Variants in PRKCE observed in about 807,000 individuals in gnomAD.
PRKCE encodes the protein protein kinase C epsilon type.
Under a neutral mutation model 85.4 loss-of-function variants are expected in PRKCE, and 16 were observed. That is an observed-to-expected ratio of 0.19 (90% confidence interval 0.13 to 0.28). The LOEUF (loss-of-function observed/expected upper bound fraction) is 0.28, where lower values mean the gene tolerates loss of function less well. PRKCE is among the 10% of genes least tolerant of loss of function. PRKCE has a pLI of 1.00. For missense variants in PRKCE, 573 were observed against 975.2 expected (o/e 0.59, Z 5.49); for synonymous variants, 388 against 371.5 (o/e 1.04, Z -0.51).
chr2:45,870,269 G>A (rs942220389), intron 2 of PRKCE, among the ~76,000 whole-genome samples: 5 of 152,164 alleles, frequency 3.3e-5, no homozygotes, highest in Non-Finnish European at 7.4e-5. Flanking sequence ...GACACAGAGT[G>A]CAATTCATGG....
chr2:46,179,714 G>A (rs537737344), intron 14 of PRKCE, among the ~76,000 whole-genome samples: 40 of 152,244 alleles, frequency 2.6e-4, no homozygotes, highest in African/African-American at 8.7e-4. Context: ...AAACTCTAGT[G>A]CCCCAAGTCC....
intron 10 of PRKCE, among the ~76,000 whole-genome samples, chr2:46,023,233 G>A (rs536339009): frequency 6.6e-6 from 1 of 152,274 alleles, no homozygotes; most frequent in Non-Finnish European, 1.5e-5. Context: ...GACTACCTGA[G>A]TCTACCATTG....
In PRKCE at chr2:46,001,618, G is replaced by GCACC; in HGVS notation, c.966+73_966+74insACCC. Reference sequence around the variant, plus strand: ...ATTTCTGTGCTGACTTCCAGAGGGTGCTCTGGAGTGAGGTAATAAGATTCC... The same window carrying GCACC: ...ATTTCTGTGCTGACTTCCAGAGGGTGCACCCTCTGGAGTGAGGTAATAAGATTCC... On this transcript the variant is annotated intron_variant, in intron 7 of 14. Coordinates refer to ENST00000306156, the MANE Select transcript of PRKCE (RefSeq NM_005400.3). The surrounding 1 kb of genome is among the most constrained non-coding windows in gnomAD (Gnocchi z 4.4). 2.7e-6 allele frequency: 4 copies of GCACC among 1,482,142 alleles called. No individual in the cohort carries two copies. Among genetic ancestry groups the GCACC allele is most frequent in the Non-Finnish European group, 3.6e-6 (4 of 1,104,692 alleles). The allele number at this position is 1,482,142 out of a possible 1,614,324, so 91.8% of individuals were successfully genotyped here. A position where few individuals can be genotyped will look rare whatever the true frequency, so the allele number is the denominator to read the frequency against.
At chr2:45,833,138 CAAA>C (rs35838849) in intron 1 of PRKCE, among the ~76,000 whole-genome samples, 23 of 120,180 alleles carry the variant, frequency 1.9e-4, no homozygotes, top group Non-Finnish European at 2.6e-4. Context: ...GGCAACATGG[CAAA>C]AAAAAAAAAA....
intron 11 of PRKCE, among the ~76,000 whole-genome samples, chr2:46,103,060 T>G (rs1463069044): frequency 6.6e-6 from 1 of 152,234 alleles, no homozygotes; most frequent in Non-Finnish European, 1.5e-5. Context: ...TCCACCCATG[T>G]GCATTGTCTC....
intron 11 of PRKCE, among the ~76,000 whole-genome samples, chr2:46,091,282 T>C (rs1307310652): frequency 6.6e-6 from 1 of 152,140 alleles, no homozygotes; most frequent in East Asian, 1.9e-4. Flanking sequence ...TGTGGGAGGT[T>C]TTTGAAGGGT....
chr2:46,011,083 T>C, intron 10 of PRKCE: 1 of 473,140 alleles, frequency 2.1e-6, no homozygotes, highest in Non-Finnish European at 3.2e-6. Flanking sequence ...CATGGTAGAG[T>C]CTGACTCGAG....
chr2:45,953,677 A>G (rs1700781770), intron 2 of PRKCE, among the ~76,000 whole-genome samples: 1 of 152,124 alleles, frequency 6.6e-6, no homozygotes, highest in Non-Finnish European at 1.5e-5. Flanking sequence ...CACTGCTTTA[A>G]ACACTGGCTG....
chr2:45,983,937 ATT>A lies in PRKCE; in HGVS notation c.694-597_694-596del, dbSNP rs11418472. Among the ~76,000 whole-genome samples, 305 of 132,966 alleles carry A rather than the reference ATT, an allele frequency of 2.3e-3. 3 individuals carry two copies. The highest frequency in any genetic ancestry group is 8.0e-3 in the African/African-American group (275 of 34,526). 87.2% of individuals were successfully genotyped at this position (132,966 alleles called of 152,430 possible). A position where few individuals can be genotyped will look rare whatever the true frequency, so the allele number is the denominator to read the frequency against. ...GGCACACAGCAGTATTGAAGGTACA[ATT>A]TTTTTTTTTTTTTTTTGAGACAGAG... On this transcript the variant is annotated intron_variant, in intron 5 of 14. Coordinates refer to ENST00000306156, the MANE Select transcript of PRKCE (RefSeq NM_005400.3).
At chr2:45,735,707 A>G (rs1681998434) in intron 1 of PRKCE, among the ~76,000 whole-genome samples, 1 of 152,184 alleles carries the variant, frequency 6.6e-6, no homozygotes, top group African/African-American at 2.4e-5. Context: ...CTCTTAGAAC[A>G]TGAACATTTT....
At chr2:46,123,338 A>G (rs1673529324) in intron 11 of PRKCE, among the ~76,000 whole-genome samples, 1 of 148,724 alleles carries the variant, frequency 6.7e-6, no homozygotes, top group Non-Finnish European at 1.5e-5. Flanking sequence ...GTGGGGCAGT[A>G]GCTGACAAGT....
intron 11 of PRKCE, among the ~76,000 whole-genome samples, chr2:46,088,526 G>A (rs575903295): frequency 1.3e-5 from 2 of 152,228 alleles, no homozygotes; most frequent in South Asian, 4.2e-4. Context: ...CAAACTCAAA[G>A]GGCCATTTCT....
intron 1 of PRKCE, among the ~76,000 whole-genome samples, chr2:45,740,986 A>G (rs1310959368): frequency 6.6e-6 from 1 of 152,226 alleles, no homozygotes; most frequent in African/African-American, 2.4e-5. Context: ...TGATGAAAAA[A>G]TCTCTCTATA....
chr2:45,996,060 T>C (rs926429112), intron 6 of PRKCE, among the ~76,000 whole-genome samples: 4 of 152,208 alleles, frequency 2.6e-5, no homozygotes, highest in South Asian at 2.1e-4. Context: ...GTTCTACTTA[T>C]ATAGATCTTG....
chr2:45,693,858 A>G (rs1677935652), intron 1 of PRKCE, among the ~76,000 whole-genome samples: 1 of 152,116 alleles, frequency 6.6e-6, no homozygotes. Context: ...TACATTGATA[A>G]GGCGAATTCT....
chr2:45,782,470 G>A (rs919141183), intron 1 of PRKCE, among the ~76,000 whole-genome samples: 1 of 152,046 alleles, frequency 6.6e-6, no homozygotes, highest in Non-Finnish European at 1.5e-5. Flanking sequence ...GGTTATTCCT[G>A]ACTGTGCATC....
chr2:45,938,734 T>C (rs1699661764), intron 2 of PRKCE, among the ~76,000 whole-genome samples: 5 of 151,778 alleles, frequency 3.3e-5, no homozygotes, highest in Admixed American at 3.3e-4. Context: ...AGTAAACAAA[T>C]GTGCAAGTTT....
chr2:46,022,048 C>T (rs1343317357), intron 10 of PRKCE, among the ~76,000 whole-genome samples: 2 of 152,136 alleles, frequency 1.3e-5, no homozygotes, highest in Non-Finnish European at 2.9e-5. Flanking sequence ...TCCTAATGCT[C>T]TGATTTTGAA....
At chr2:45,720,863 C>G (rs1029501915) in intron 1 of PRKCE, among the ~76,000 whole-genome samples, 3 of 152,094 alleles carry the variant, frequency 2.0e-5, no homozygotes, top group African/African-American at 7.2e-5. Context: ...AATCCCAGCA[C>G]TTTGGGAGGC....
Sources: gnomAD v4.1 joint callset for allele counts (sites outside exome capture counted in the v4.1 genomes callset) on GRCh38, gnomAD v4.1.1 for gene constraint, Gnocchi (gnomAD v3.1) non-coding constraint, MANE v1.5 for transcripts, NCBI Gene and HGNC (gene_info 2026-07-23, HGNC 2026-07-21) for gene names.